The following ENO1 variants were observed in gnomAD, a reference collection of about 807,000 sequenced individuals.
ENO1 encodes the protein enolase 1.
In ENO1, 33 loss-of-function variants were observed where a neutral mutation model predicts 46.3. That is an observed-to-expected ratio of 0.71 (90% confidence interval 0.54 to 0.95). ENO1 has a LOEUF of 0.95. Ranked by LOEUF, ENO1 falls within the 40% of genes least tolerant of loss-of-function variation. ENO1 has a pLI of 0.00. For synonymous variants in ENO1, 220 were observed against 216.0 expected, an observed-to-expected ratio of 1.02 and a Z score of -0.16; for missense variants, 488 against 553.3, an observed-to-expected ratio of 0.88 and a Z score of 1.18.
At position 8,873,463 on chromosome 1, in the gene ENO1, A is replaced by G. The variant is rs111454043; in HGVS notation, c.85+1361T>C. Among the ~76,000 whole-genome samples the G allele has an allele frequency of 2.9e-3, 443 of 152,330 alleles. 4 individuals are homozygous for G. Among genetic ancestry groups the G allele is most frequent in the African/African-American group, 8.5e-3 (352 of 41,572 alleles). ...ATTTCAAAATGTCCAACTCCCAACA[A>G]TCTTCTAGCATCTGGGGTCTTTTGT... is the stretch of plus-strand genomic sequence containing the variant. On this transcript the variant is annotated intron_variant, in intron 2 of 11. Coordinates refer to ENST00000234590, the MANE Select transcript of ENO1 (RefSeq NM_001428.5).
At chr1:8,867,873 A>C in intron 5 of ENO1, 115 bp downstream of exon 5, 4 of 945,888 alleles carry the variant, frequency 4.2e-6, no homozygotes, top group Non-Finnish European at 6.6e-6. Flanking sequence ...ATGGGAAGAG[A>C]CCACAGGCTC....
chr1:8,872,298 C>G lies in ENO1; in HGVS notation c.86-312G>C, dbSNP rs370252792. The stretch of plus-strand genomic sequence containing the variant: ...CAGGCAAATATGCATCCCTCACAAG[C>G]TCGCATTGGTGCCCTGTGGATTACT... On this transcript the variant is annotated intron_variant, in intron 2 of 11. Transcript: ENST00000234590. Among the ~76,000 whole-genome samples, 12 of 152,312 alleles carry G rather than the reference C, an allele frequency of 7.9e-5. No individual in the cohort carries two copies. In the South Asian group the frequency reaches 1.7e-3, roughly 21 times the overall value.
chr1:8,876,120 G>A (rs910438134), intron 1 of ENO1: 1 of 151,746 alleles, frequency 6.6e-6, no homozygotes, highest in African/African-American at 2.4e-5. Flanking sequence ...TTTCCTTGGC[G>A]CTCTCCAAAG....
chr1:8,870,845 C>A, intron 3 of ENO1: 3 of 1,334,674 alleles, frequency 2.2e-6, no homozygotes, highest in Non-Finnish European at 2.9e-6. Context: ...AGGGCTGGTG[C>A]CAGGAACTCA....
intron 9 of ENO1, 37 bp from the exon 10 acceptor site, chr1:8,863,380 A>G (rs368192671): frequency 5.0e-6 from 8 of 1,586,806 alleles, no homozygotes; most frequent in Non-Finnish European, 6.9e-6. Context: ...GCATGATCCC[A>G]TTTTCTGGTT....
intron 1 of ENO1, among the ~76,000 whole-genome samples, chr1:8,877,204 G>T (rs989885813): frequency 1.9e-4 from 29 of 151,910 alleles, no homozygotes; most frequent in Non-Finnish European, 7.4e-5. Context: ...CACCCACCTC[G>T]GCCTCCCAAA....
At chr1:8,871,379 G>A (rs1642629843) in intron 3 of ENO1, 2 of 992,714 alleles carry the variant, frequency 2.0e-6, no homozygotes, top group Admixed American at 5.8e-5. Flanking sequence ...TACAGCCAGA[G>A]GCTAGCTCTG....
At chr1:8,876,663 C>G (rs189176360) in intron 1 of ENO1, among the ~76,000 whole-genome samples, 3 of 151,976 alleles carry the variant, frequency 2.0e-5, no homozygotes, top group Admixed American at 1.3e-4. Context: ...TTTGGGAGGC[C>G]GAGGAGGGTG....
At chr1:8,871,079 C>CCTCACCTT in intron 3 of ENO1, 1 of 1,223,322 alleles carries the variant, frequency 8.2e-7, no homozygotes, top group East Asian at 3.2e-5. Context: ...CCTGCTCCGG[C>CCTCACCTT]TAAGTCCCCA....
chr1:8,861,463 A>G lies in ENO1; in HGVS notation c.1236-34T>C, dbSNP rs188800098. 6.1e-5 allele frequency: 98 copies of G among 1,612,132 alleles called. No homozygotes were observed. In the African/African-American group the frequency reaches 1.2e-3, roughly 20 times the overall value. ...GGAGAAAGGTAAAGAGATGGGGAGG[A>G]AAAAAGAAAAGTCAGACCTCAAGTT... On this transcript the variant is annotated intron_variant, in intron 11 of 11. Coordinates refer to ENST00000234590, the MANE Select transcript of ENO1 (RefSeq NM_001428.5).
At chr1:8,865,253 G>T in intron 8 of ENO1, 32 bp downstream of exon 8, 1 of 1,610,350 alleles carries the variant, frequency 6.2e-7, no homozygotes, top group South Asian at 1.1e-5. Flanking sequence ...GTCAGTGGCA[G>T]GAAAGGGAGA....
intron 2 of ENO1, 40 bp downstream of exon 2, chr1:8,874,784 C>T (rs543609712): frequency 5.8e-5 from 91 of 1,556,736 alleles, no homozygotes; most frequent in Non-Finnish European, 7.5e-5. Context: ...AAATGAAGCA[C>T]GGTGGAAGGA....
chr1:8,861,435 G>A lies in ENO1; in HGVS notation c.1236-6C>T, dbSNP rs2124042819. On this transcript the variant is annotated splice_region_variant and splice_polypyrimidine_tract_variant and intron_variant, in intron 11 of 11. Coordinates refer to ENST00000234590, the MANE Select transcript of ENO1 (RefSeq NM_001428.5). ...TGCCCAGCTCCTCTTCAATTCTTGG[G>A]AAGGAGAAAGGTAAAGAGATGGGGA... The A allele has an allele frequency of 1.2e-6, 2 of 1,614,076 alleles. No homozygotes were observed. The highest frequency in any genetic ancestry group is 1.1e-5 in the South Asian group (1 of 91,076).
In ENO1 at chr1:8,861,263, T is replaced by C. The variant is rs1642395274; in HGVS notation, c.*97A>G. On this transcript the variant is annotated 3_prime_UTR_variant, in exon 12 of 12. Transcript: ENST00000234590. Reference sequence around the variant, plus strand: ...TGGGGCGCTAACTAGCAGGGACCCCTGCAAGTGTTGGTCGGGGGCCTCGAG... The same window carrying C: ...TGGGGCGCTAACTAGCAGGGACCCCCGCAAGTGTTGGTCGGGGGCCTCGAG... The C allele has an allele frequency of 7.7e-7, 1 of 1,298,720 alleles. No individual in the cohort carries two copies. Among genetic ancestry groups the C allele is most frequent in the South Asian group, 1.2e-5 (1 of 82,734 alleles). The allele number at this position is 1,298,720 out of a possible 1,614,324, so 80.4% of individuals were successfully genotyped here.
intron 11 of ENO1, among the ~76,000 whole-genome samples, chr1:8,862,463 G>A (rs931743858): frequency 2.6e-5 from 4 of 152,136 alleles, no homozygotes; most frequent in South Asian, 2.1e-4. Context: ...GCCCCACAGC[G>A]CTCACAAGTG....
rs540294915 is a variant in ENO1 at position 8,871,007 on chromosome 1, C to T, written c.182-497G>A. On this transcript the variant is annotated intron_variant, in intron 3 of 11. Coordinates refer to ENST00000234590, the MANE Select transcript of ENO1 (RefSeq NM_001428.5). Reference sequence around the variant, plus strand: ...AGAGGAGAGCATTTCAGGGGCCATGCGTTCAATCTTCCACAAATGCTTACT... The same window carrying T: ...AGAGGAGAGCATTTCAGGGGCCATGTGTTCAATCTTCCACAAATGCTTACT... 6.9e-4 allele frequency: 851 copies of T among 1,240,996 alleles called. 3 individuals are homozygous for T. Among genetic ancestry groups the T allele is most frequent in the Non-Finnish European group, 8.1e-4 (802 of 991,880 alleles). 76.9% of individuals were successfully genotyped at this position (1,240,996 alleles called of 1,614,324 possible).
At chr1:8,871,773 C>G (rs1642637439) in intron 3 of ENO1, 118 bp downstream of exon 3, 3 of 1,303,490 alleles carry the variant, frequency 2.3e-6, no homozygotes, top group Non-Finnish European at 3.2e-6. Context: ...TGGGTCACAG[C>G]AGGTTTACCT....
At chr1:8,875,566 TAAAAC>T (rs2124107987) in intron 1 of ENO1, among the ~76,000 whole-genome samples, 1 of 152,308 alleles carries the variant, frequency 6.6e-6, no homozygotes, top group East Asian at 1.9e-4. Flanking sequence ...GTAGCAGAAT[TAAAAC>T]AAAATAGTGA....
At chr1:8,867,578 CAG>C (rs954701961) in intron 5 of ENO1, among the ~76,000 whole-genome samples, 1 of 151,434 alleles carries the variant, frequency 6.6e-6, no homozygotes, top group Non-Finnish European at 1.5e-5. Context: ...TTTTTTGAGA[CAG>C]AGTCTCACTC....
Sources: allele counts gnomAD v4.1 joint callset (sites outside exome capture counted in the v4.1 genomes callset), GRCh38; gene constraint gnomAD v4.1.1; transcripts MANE v1.5; gene names NCBI Gene and HGNC (gene_info 2026-07-23, HGNC 2026-07-21).